The following HDAC9 variants were observed in gnomAD, a reference collection of about 807,000 sequenced individuals.
HDAC9 encodes the protein histone deacetylase 9.
HDAC9 carries 41 observed loss-of-function variants against 139.4 expected under a neutral mutation model. The observed-to-expected ratio is 0.29, with a 90% CI of 0.23 to 0.38. HDAC9 has a LOEUF of 0.38. Among genes scored for constraint, HDAC9 ranks in the 10% least tolerant of loss-of-function variants. The probability of loss-of-function intolerance (pLI) is 1.00; values close to 1 mark genes in which losing one functional copy is unlikely to be tolerated. For missense variants in HDAC9, 1,147 were observed against 1,297.0 expected (o/e 0.88, Z 1.78); for synonymous variants, 517 against 476.2 (o/e 1.09, Z -1.12).
intron 24 of HDAC9, among the ~76,000 whole-genome samples, chr7:18,967,508 A>C (rs28558591): frequency 0.046 from 5,604 of 121,182 alleles, 365 homozygotes; most frequent in African/African-American, 0.15. Context: ...CCCCCCCCCA[A>C]AAAAAAAAAA....
intron 21 of HDAC9, among the ~76,000 whole-genome samples, chr7:18,851,961 G>A (rs2129224486): frequency 6.6e-6 from 1 of 152,330 alleles, no homozygotes; most frequent in East Asian, 1.9e-4. Flanking sequence ...GCAGGTAGGT[G>A]CCTGTGTGGG....
intron 1 of HDAC9, among the ~76,000 whole-genome samples, chr7:18,121,937 A>G (rs1368989864): frequency 2.0e-5 from 3 of 152,232 alleles, no homozygotes; most frequent in African/African-American, 7.2e-5. Context: ...TCTATGTCAT[A>G]TCCAACCTTG....
intron 12 of HDAC9, among the ~76,000 whole-genome samples, chr7:18,674,900 C>G (rs111766339): frequency 6.6e-6 from 1 of 151,898 alleles, no homozygotes; most frequent in Admixed American, 6.6e-5. Flanking sequence ...ACAGTACTCA[C>G]ACCATATTAA....
intron 2 of HDAC9, among the ~76,000 whole-genome samples, chr7:18,182,650 A>G (rs1237264543): frequency 6.6e-6 from 1 of 152,214 alleles, no homozygotes; most frequent in Admixed American, 6.5e-5. Flanking sequence ...CCCATTTTAC[A>G]GACGGGAAAT....
At chr7:18,377,027 G>A (rs927920307) in intron 1 of HDAC9, among the ~76,000 whole-genome samples, 2 of 152,116 alleles carry the variant, frequency 1.3e-5, no homozygotes, top group African/African-American at 2.4e-5. Context: ...TCCTTGGCTA[G>A]AGATACAGTG....
At chr7:18,519,646 T>A (rs1393261906) in intron 2 of HDAC9, among the ~76,000 whole-genome samples, 1 of 152,146 alleles carries the variant, frequency 6.6e-6, no homozygotes, top group Admixed American at 6.6e-5. Flanking sequence ...TGTCATGTAT[T>A]AGTGGAAGAG....
intron 1 of HDAC9, among the ~76,000 whole-genome samples, chr7:18,446,283 A>G (rs1792284357): frequency 6.6e-6 from 1 of 152,234 alleles, no homozygotes; most frequent in East Asian, 1.9e-4. Context: ...TATTATATTC[A>G]TGGTTTTCTA....
intron 2 of HDAC9, among the ~76,000 whole-genome samples, chr7:18,564,115 G>A (rs1036685870): frequency 7.9e-5 from 12 of 152,092 alleles, no homozygotes; most frequent in African/African-American, 2.9e-4. Context: ...GATTACAGGT[G>A]TGAGCCACCG....
intron 12 of HDAC9, among the ~76,000 whole-genome samples, chr7:18,678,720 C>CT (rs1781689120): frequency 6.6e-6 from 1 of 151,702 alleles, no homozygotes; most frequent in African/African-American, 2.4e-5. Flanking sequence ...CTTTAAAGTC[C>CT]TTTTCTGCCA....
intron 16 of HDAC9, among the ~76,000 whole-genome samples, chr7:18,775,234 C>T (rs1182505759): frequency 6.6e-6 from 1 of 151,952 alleles, no homozygotes; most frequent in African/African-American, 2.4e-5. Flanking sequence ...TGATGAAAAA[C>T]TTTTGAAATA....
intron 24 of HDAC9, among the ~76,000 whole-genome samples, chr7:18,971,162 A>C (rs182846290): frequency 5.8e-4 from 89 of 152,242 alleles, no homozygotes; most frequent in African/African-American, 2.0e-3. Context: ...TTTATTGTAG[A>C]TTCATTATTT....
chr7:18,353,534 G>A (rs1409766057), intron 1 of HDAC9, among the ~76,000 whole-genome samples: 1 of 152,146 alleles, frequency 6.6e-6, no homozygotes, highest in African/African-American at 2.4e-5. Flanking sequence ...GATTCTTGCT[G>A]CTGAGTGATC....
At chr7:18,698,687 G>A (rs1435905056) in intron 12 of HDAC9, among the ~76,000 whole-genome samples, 1 of 152,122 alleles carries the variant, frequency 6.6e-6, no homozygotes, top group African/African-American at 2.4e-5. Flanking sequence ...GTGGTATTTT[G>A]CTGCCTTGCG....
At chr7:18,231,740 G>C (rs1186959560) in intron 2 of HDAC9, among the ~76,000 whole-genome samples, 2 of 152,104 alleles carry the variant, frequency 1.3e-5, no homozygotes, top group African/African-American at 2.4e-5. Flanking sequence ...AGGAAATAGC[G>C]TTTCTCATTA....
At chr7:18,462,833 GT>G (rs1329971102) in intron 1 of HDAC9, among the ~76,000 whole-genome samples, 3 of 151,812 alleles carry the variant, frequency 2.0e-5, no homozygotes, top group Non-Finnish European at 4.4e-5. Context: ...GTTTAATAGT[GT>G]TTTTATTATT....
intron 22 of HDAC9, among the ~76,000 whole-genome samples, chr7:18,899,598 A>G (rs1487858637): frequency 1.3e-5 from 2 of 148,294 alleles, no homozygotes; most frequent in Admixed American, 1.3e-4. Context: ...TAGTATATTA[A>G]TTATTTCTTT....
At chr7:18,571,628 T>A (rs1824322895) in intron 2 of HDAC9, among the ~76,000 whole-genome samples, 1 of 151,296 alleles carries the variant, frequency 6.6e-6, no homozygotes, top group African/African-American at 2.5e-5. Flanking sequence ...TTTTTATTTT[T>A]TATTTTTTTT....
chr7:18,822,037 T>G (rs1427251793), intron 17 of HDAC9, among the ~76,000 whole-genome samples: 1 of 152,202 alleles, frequency 6.6e-6, no homozygotes, highest in Non-Finnish European at 1.5e-5. Flanking sequence ...TTTCTCCACA[T>G]GTTCACCAGC....
chr7:18,775,868 G>T (rs1790722621), intron 16 of HDAC9, among the ~76,000 whole-genome samples: 1 of 152,016 alleles, frequency 6.6e-6, no homozygotes, highest in African/African-American at 2.4e-5. Flanking sequence ...AAATTCAGTA[G>T]TCTAATGAAA....
Sources: allele counts gnomAD v4.1 joint callset (sites outside exome capture counted in the v4.1 genomes callset), GRCh38; gene constraint gnomAD v4.1.1; transcripts MANE v1.5; gene names NCBI Gene and HGNC (gene_info 2026-07-23, HGNC 2026-07-21).